AKAP19: variants seen among roughly 807,000 people sequenced by gnomAD.
The protein encoded by AKAP19 is A-kinase anchoring protein 19, also known as small A-kinase anchoring protein.
At chr2:189,961,292 G>A in the AKAP19 span, among the ~76,000 whole-genome samples, 1 of 152,106 alleles carries the variant, frequency 6.6e-6, no homozygotes, top group African/African-American at 2.4e-5. Context: ...AGGAGAAGGT[G>A]GAGGGAGCTC....
chr2:190,028,412 T>C, the AKAP19 span, among the ~76,000 whole-genome samples: 18 of 152,186 alleles, frequency 1.2e-4, no homozygotes, highest in Non-Finnish European at 1.9e-4. Flanking sequence ...AATAGATTAG[T>C]TTTCAAATGA....
At chr2:190,087,286 C>T in the AKAP19 span, among the ~76,000 whole-genome samples, 1 of 152,160 alleles carries the variant, frequency 6.6e-6, no homozygotes, top group African/African-American at 2.4e-5. Context: ...TTCCTTAAAT[C>T]TCTCATCAGT....
the AKAP19 span, among the ~76,000 whole-genome samples, chr2:190,080,655 C>T: frequency 6.6e-6 from 1 of 152,226 alleles, no homozygotes; most frequent in Non-Finnish European, 1.5e-5. Context: ...TTATTGAGTA[C>T]TTTGTATATG....
At chr2:190,169,709 T>TG in the AKAP19 span, among the ~76,000 whole-genome samples, 1 of 152,174 alleles carries the variant, frequency 6.6e-6, no homozygotes, top group Non-Finnish European at 1.5e-5. Flanking sequence ...CATTTGCCTT[T>TG]GGGGACTCGG....
the AKAP19 span, chr2:190,199,918 A>C: frequency 6.2e-7 from 1 of 1,614,114 alleles, no homozygotes; most frequent in Middle Eastern, 1.6e-4. Flanking sequence ...TGAAGGTGAG[A>C]AGCAGCATGA....
the AKAP19 span, among the ~76,000 whole-genome samples, chr2:189,943,057 A>G: frequency 1.3e-5 from 2 of 152,228 alleles, no homozygotes; most frequent in Non-Finnish European, 2.9e-5. Flanking sequence ...CTGTGGAGCA[A>G]CCACTTGCCA....
the AKAP19 span, among the ~76,000 whole-genome samples, chr2:189,932,461 C>T: frequency 2.0e-5 from 3 of 151,740 alleles, no homozygotes; most frequent in Admixed American, 6.6e-5. Context: ...ATTCTCCCCC[C>T]ACCACCACAC....
chr2:190,180,187 G>A, the AKAP19 span, among the ~76,000 whole-genome samples: 1 of 152,248 alleles, frequency 6.6e-6, no homozygotes, highest in African/African-American at 2.4e-5. This position sits in a 1 kb window ranked among gnomAD's most constrained non-coding sequence, Gnocchi z 6.8. Context: ...AGGTGGGAAG[G>A]GCGGAATCCC....
the AKAP19 span, among the ~76,000 whole-genome samples, chr2:189,991,749 TC>T: frequency 6.6e-6 from 1 of 152,330 alleles, no homozygotes. Context: ...GCTTTCGGGT[TC>T]TTGGTCATGA....
the AKAP19 span, among the ~76,000 whole-genome samples, chr2:190,153,362 T>G: frequency 6.6e-6 from 1 of 152,226 alleles, no homozygotes; most frequent in Non-Finnish European, 1.5e-5. Flanking sequence ...AATATAGAAA[T>G]ATATTTTTTC....
chr2:190,077,479 T>A, the AKAP19 span, among the ~76,000 whole-genome samples: 87 of 150,978 alleles, frequency 5.8e-4, no homozygotes, highest in African/African-American at 1.6e-3. Context: ...ATGTTAAAAA[T>A]TTTTTAAAAA....
At chr2:189,887,811 T>C in the AKAP19 span, among the ~76,000 whole-genome samples, 1 of 132,058 alleles carries the variant, frequency 7.6e-6, no homozygotes, top group Non-Finnish European at 1.6e-5. Flanking sequence ...TTTTTGATGG[T>C]TTTTTTTTCT....
chr2:190,077,486 A>G, the AKAP19 span, among the ~76,000 whole-genome samples: 1 of 152,062 alleles, frequency 6.6e-6, no homozygotes, highest in Admixed American at 6.5e-5. Flanking sequence ...AAATTTTTTA[A>G]AAAATGTTAA....
At chr2:189,938,285 G>A in the AKAP19 span, among the ~76,000 whole-genome samples, 4 of 149,654 alleles carry the variant, frequency 2.7e-5, no homozygotes, top group East Asian at 5.9e-4. Context: ...GCTGTGAGCC[G>A]AGATCATGCC....
chr2:190,096,825 G>T, the AKAP19 span, among the ~76,000 whole-genome samples: 1 of 152,064 alleles, frequency 6.6e-6, no homozygotes, highest in East Asian at 1.9e-4. Context: ...GTGAGGGCCT[G>T]TTCCATCTAT....
chr2:190,037,602 T>C, the AKAP19 span, among the ~76,000 whole-genome samples: 2 of 152,158 alleles, frequency 1.3e-5, no homozygotes, highest in African/African-American at 4.8e-5. Context: ...AAGAACAGTT[T>C]AAAAGGACTA....
the AKAP19 span, among the ~76,000 whole-genome samples, chr2:190,038,901 T>TTG: frequency 2.2e-5 from 1 of 46,002 alleles, no homozygotes; most frequent in Non-Finnish European, 4.6e-5. Flanking sequence ...TCTTTCTTTC[T>TTG]TTCTTCTTCT....
At chr2:190,029,925 T>C in the AKAP19 span, among the ~76,000 whole-genome samples, 2 of 152,326 alleles carry the variant, frequency 1.3e-5, no homozygotes, top group Non-Finnish European at 2.9e-5. Context: ...TGGGGAATTC[T>C]AGGTGATTTT....
At chr2:190,005,011 T>A in the AKAP19 span, among the ~76,000 whole-genome samples, 1 of 152,162 alleles carries the variant, frequency 6.6e-6, no homozygotes, top group Non-Finnish European at 1.5e-5. Context: ...CTCTTAAAGA[T>A]GGTGTGTCCA....
Sources: allele counts gnomAD v4.1 joint callset (sites outside exome capture counted in the v4.1 genomes callset), GRCh38; gene constraint gnomAD v4.1.1; non-coding constraint Gnocchi (gnomAD v3.1); transcripts MANE v1.5; gene names NCBI Gene and HGNC (gene_info 2026-07-23, HGNC 2026-07-21).